EPHA6: variants seen among roughly 807,000 people sequenced by gnomAD.
EPHA6 encodes the protein EPH receptor A6.
A neutral mutation model predicts 112.0 loss-of-function variants in EPHA6; 50 were observed. That is an observed-to-expected ratio of 0.45 (90% CI 0.36 to 0.56). EPHA6 has a LOEUF of 0.56. Ranked by LOEUF, EPHA6 falls within the 20% of genes least tolerant of loss-of-function variation. The pLI is 0.00. For missense variants in EPHA6, 1,280 were observed against 1,417.4 expected, an observed-to-expected ratio of 0.90 and a Z score of 1.56; for synonymous variants, 529 against 490.7, an observed-to-expected ratio of 1.08 and a Z score of -1.03.
chr3:97,529,517 T>A (rs185309760), intron 10 of EPHA6, among the ~76,000 whole-genome samples: 131 of 152,218 alleles, frequency 8.6e-4, no homozygotes, highest in South Asian at 5.4e-3. Flanking sequence ...TGTTCACAGA[T>A]CTTATTGAGG....
chr3:97,456,480 A>C (rs2090689759), intron 7 of EPHA6, among the ~76,000 whole-genome samples: 2 of 152,164 alleles, frequency 1.3e-5, no homozygotes, highest in South Asian at 4.1e-4. Flanking sequence ...GAAGGCACTC[A>C]ATGAATTTCA....
intron 6 of EPHA6, among the ~76,000 whole-genome samples, chr3:97,415,346 C>T (rs552208049): frequency 6.9e-4 from 105 of 152,112 alleles, no homozygotes; most frequent in African/African-American, 2.4e-3. Context: ...ATTAATTAGT[C>T]TCCAGTTGTA....
At chr3:97,306,780 A>G (rs1016749110) in intron 5 of EPHA6, among the ~76,000 whole-genome samples, 1 of 151,880 alleles carries the variant, frequency 6.6e-6, no homozygotes, top group Non-Finnish European at 1.5e-5. Context: ...AGCTCTAGGA[A>G]CTACCTTTTG....
intron 2 of EPHA6, among the ~76,000 whole-genome samples, chr3:96,892,629 T>G (rs968826125): frequency 2.6e-5 from 4 of 152,048 alleles, no homozygotes; most frequent in Non-Finnish European, 5.9e-5. Context: ...GTCTGTGTAA[T>G]GACTGCCCAA....
intron 1 of EPHA6, among the ~76,000 whole-genome samples, chr3:96,844,702 G>T (rs79250192): frequency 6.6e-6 from 1 of 151,916 alleles, no homozygotes; most frequent in Non-Finnish European, 1.5e-5. Flanking sequence ...CAATGGTTGG[G>T]TATACATGAT....
chr3:96,983,288 A>T (rs1418042255), intron 2 of EPHA6, among the ~76,000 whole-genome samples: 1 of 152,080 alleles, frequency 6.6e-6, no homozygotes, highest in Non-Finnish European at 1.5e-5. Context: ...TCTGTAAAGT[A>T]TTTTATTTCT....
chr3:97,386,355 G>A (rs1023717193), intron 5 of EPHA6, among the ~76,000 whole-genome samples: 1 of 152,122 alleles, frequency 6.6e-6, no homozygotes, highest in Non-Finnish European at 1.5e-5. Flanking sequence ...AATAATAAGG[G>A]TACAGACATC....
chr3:97,371,364 C>T (rs2108981447), intron 5 of EPHA6, among the ~76,000 whole-genome samples: 1 of 152,188 alleles, frequency 6.6e-6, no homozygotes, highest in African/African-American at 2.4e-5. Flanking sequence ...ATTTCATGGA[C>T]ATTTATTAGT....
intron 3 of EPHA6, among the ~76,000 whole-genome samples, chr3:97,117,846 A>T (rs895974909): frequency 1.3e-5 from 2 of 151,866 alleles, no homozygotes; most frequent in African/African-American, 2.4e-5. Context: ...ATGGTGCAGC[A>T]TAATTATTTT....
intron 10 of EPHA6, among the ~76,000 whole-genome samples, chr3:97,519,268 T>C (rs1204516084): frequency 6.6e-6 from 1 of 152,196 alleles, no homozygotes; most frequent in Non-Finnish European, 1.5e-5. Context: ...TTCCCCAATG[T>C]ATGCTCTTGG....
At position 97,613,259 on chromosome 3, in the gene EPHA6, T is replaced by C. The variant is rs112276068; in HGVS notation, c.2574+2405T>C. Among the ~76,000 whole-genome samples, 29 of 152,172 alleles carry C rather than the reference T, an allele frequency of 1.9e-4. 1 individual carries two copies. The highest frequency in any genetic ancestry group is 5.3e-4 in the African/African-American group (22 of 41,538). ...TATATAAATATATATAGCCCATACA[T>C]TCTCAAAAGCAAAGTCATTTTTCAA... On this transcript the variant is annotated intron_variant, in intron 13 of 17. Coordinates refer to ENST00000389672, the MANE Select transcript of EPHA6 (RefSeq NM_001080448.3).
At position 97,751,583 on chromosome 3, in the gene EPHA6, C is replaced by A; in HGVS notation, c.*2882C>A. 6.6e-6 allele frequency among the ~76,000 whole-genome samples: 1 copy of A among 151,968 alleles called. No individual in the cohort carries two copies. The highest frequency in any genetic ancestry group is 1.5e-5 in the Non-Finnish European group (1 of 67,954). On this transcript the variant is annotated 3_prime_UTR_variant, in exon 18 of 18. Coordinates refer to ENST00000389672, the MANE Select transcript of EPHA6 (RefSeq NM_001080448.3). ...GGACCCCATGATCCCAGGAATATTA[C>A]AATATTCAGGAATATAAACAGTTAA... is the stretch of plus-strand genomic sequence containing the variant.
At chr3:97,715,900 T>A (rs560805977) in intron 14 of EPHA6, among the ~76,000 whole-genome samples, 1 of 152,352 alleles carries the variant, frequency 6.6e-6, no homozygotes, top group South Asian at 2.1e-4. Flanking sequence ...AACATTTTAG[T>A]ACCCCTCCAG....
chr3:97,574,681 T>C (rs752458461), intron 11 of EPHA6, among the ~76,000 whole-genome samples: 2 of 152,156 alleles, frequency 1.3e-5, no homozygotes, highest in African/African-American at 2.4e-5. Context: ...TTACAAATCA[T>C]TTTTAAAGAC....
intron 3 of EPHA6, among the ~76,000 whole-genome samples, chr3:97,120,995 T>TA (rs1292074354): frequency 1.3e-5 from 2 of 151,982 alleles, no homozygotes; most frequent in East Asian, 3.9e-4. Flanking sequence ...TCAGAAATGT[T>TA]ACGTTCCTGC....
chr3:97,394,213 T>C (rs138607067), intron 5 of EPHA6, among the ~76,000 whole-genome samples: 1 of 151,700 alleles, frequency 6.6e-6, no homozygotes, highest in Non-Finnish European at 1.5e-5. Flanking sequence ...AAACAAAATA[T>C]CCACATGCAG....
intron 5 of EPHA6, 66 bp downstream of exon 5, chr3:97,244,353 T>A: frequency 7.4e-7 from 1 of 1,354,996 alleles, no homozygotes; most frequent in Non-Finnish European, 1.0e-6. Flanking sequence ...ATATCCCTCA[T>A]GGGCATGTAT....
intron 5 of EPHA6, among the ~76,000 whole-genome samples, chr3:97,244,886 A>G (rs555876644): frequency 1.8e-4 from 28 of 152,026 alleles, no homozygotes; most frequent in Admixed American, 3.3e-4. Context: ...GATTTTTACT[A>G]TAATATGGTC....
intron 6 of EPHA6, among the ~76,000 whole-genome samples, chr3:97,416,035 GC>G (rs2088096665): frequency 6.6e-6 from 1 of 151,736 alleles, no homozygotes; most frequent in African/African-American, 2.4e-5. Context: ...CCAATTTTTA[GC>G]CCAAGTATTA....
Sources: gnomAD v4.1 joint callset for allele counts (sites outside exome capture counted in the v4.1 genomes callset) on GRCh38, gnomAD v4.1.1 for gene constraint, MANE v1.5 for transcripts, NCBI Gene and HGNC (gene_info 2026-07-23, HGNC 2026-07-21) for gene names.